The following ETV5 variants were observed in gnomAD, a reference collection of about 807,000 sequenced individuals.
The protein encoded by ETV5 is ETS translocation variant 5.
Under a neutral mutation model 70.0 loss-of-function variants are expected in ETV5, and 10 were observed. The ratio of observed to expected loss-of-function variants is 0.14; its 90% CI spans 0.09 to 0.24. ETV5 has a LOEUF of 0.24. Ranked by LOEUF, ETV5 falls within the 10% of genes least tolerant of loss-of-function variation. The probability of loss-of-function intolerance (pLI) is 1.00; values close to 1 mark genes in which losing one functional copy is unlikely to be tolerated. For synonymous variants in ETV5, 216 were observed against 242.2 expected (o/e 0.89, Z 1.01); for missense variants, 453 against 651.2 (o/e 0.70, Z 3.31).
In ETV5 at chr3:186,079,946, G is replaced by C. The variant is rs1394401243; in HGVS notation, c.521C>G (p.Pro174Arg). The C allele has an allele frequency of 6.2e-7, 1 of 1,602,408 alleles. No homozygotes were observed. Among genetic ancestry groups the C allele is most frequent in the Non-Finnish European group, 8.5e-7 (1 of 1,174,186 alleles). The change falls in exon 7 of 13, where the codon CCC becomes CGC. Residue 174 changes from proline to arginine, a missense_variant. Physicochemically the swap from Pro to Arg is moderately radical, Grantham distance 103. This residue lies in a region of ETV5 where 307 missense variants were observed against 344.9 expected (regional missense o/e 0.89). Transcript: ENST00000306376. ...PAAGPVQGVG[P>R]APAPHSLPEP... Reference sequence around the variant, plus strand: ...TGGAAGCGAATGGGGGGCGGGGGCGGGGCCCACACCTTGAACTGGGCCAGC... The same window carrying C: ...TGGAAGCGAATGGGGGGCGGGGGCGCGGCCCACACCTTGAACTGGGCCAGC...
At chr3:186,093,956 G>A (rs1714246442) in intron 5 of ETV5, among the ~76,000 whole-genome samples, 1 of 152,196 alleles carries the variant, frequency 6.6e-6, no homozygotes, top group Non-Finnish European at 1.5e-5. Context: ...TGGACCTGTT[G>A]CGGGCCTTTG....
rs927951562 is a variant in ETV5 at position 186,092,121 on chromosome 3, A to C, written c.233-10946T>G. ...TTGCTTGAAAGGCAGCATAGAGACT[A>C]TCTCCAGAAAGCCCACTCTCAGTTC... On this transcript the variant is annotated intron_variant, in intron 5 of 12. Transcript: ENST00000306376. Among the ~76,000 whole-genome samples, 6 of 152,224 alleles carry C rather than the reference A, an allele frequency of 3.9e-5. No homozygotes were observed. The East Asian group carries it at 1.2e-3, about 29-fold the overall frequency.
At chr3:186,073,616 C>T (rs1026600758) in intron 7 of ETV5, among the ~76,000 whole-genome samples, 3 of 152,092 alleles carry the variant, frequency 2.0e-5, no homozygotes, top group Non-Finnish European at 2.9e-5. Flanking sequence ...AAATCTCATA[C>T]GTTTAGAAAT....
At chr3:186,056,991 A>G in intron 11 of ETV5, 84 bp downstream of exon 11, 1 of 1,503,374 alleles carries the variant, frequency 6.7e-7, no homozygotes, top group South Asian at 1.3e-5. Context: ...ACTTGACACA[A>G]AAAGCCTCAA....
rs1714578093 is a variant in ETV5, at chr3:186,105,980, G to A, written c.-74-38C>T. 7.1e-7 allele frequency: 1 copy of A among 1,414,466 alleles called. No individual in the cohort carries two copies. Among genetic ancestry groups the A allele is most frequent in the Non-Finnish European group, 9.7e-7 (1 of 1,030,958 alleles). The allele number at this position is 1,414,466 out of a possible 1,614,324, so 87.6% of individuals were successfully genotyped here. A position where few individuals can be genotyped will look rare whatever the true frequency, so the allele number is the denominator to read the frequency against. ...TTTGGGAGATTTTAACTAAGAGGGG[G>A]GAAAAAAAGAAATGAAACAATTTTA... is the stretch of plus-strand genomic sequence containing the variant. On this transcript the variant is annotated intron_variant, in intron 1 of 12. Transcript: ENST00000306376. This position sits in a 1 kb window ranked among gnomAD's most constrained non-coding sequence, Gnocchi z 4.5.
chr3:186,069,549 A>G (rs1713548337), intron 7 of ETV5, among the ~76,000 whole-genome samples: 1 of 151,966 alleles, frequency 6.6e-6, no homozygotes. Context: ...GACTTAAAAA[A>G]AAGTCTTGCT....
At chr3:186,065,712 A>G (rs1385195966) in intron 8 of ETV5, 101 bp downstream of exon 8, 3 of 1,402,892 alleles carry the variant, frequency 2.1e-6, no homozygotes, top group East Asian at 2.4e-5. Context: ...AAAAATTCTT[A>G]TAAAAATTCC....
Position 186,090,568 on chromosome 3 carries a change from G to A in ETV5, c.233-9393C>T, listed in dbSNP as rs139698873. On this transcript the variant is annotated intron_variant, in intron 5 of 12. Transcript: ENST00000306376. ...CCACAAACGATTCTTGAGAAAAAATGGAGAATTTCCACTCCTTGTGAATTT... is the reference window on the plus strand; with the variant it reads ...CCACAAACGATTCTTGAGAAAAAATAGAGAATTTCCACTCCTTGTGAATTT... 3.5e-4 allele frequency among the ~76,000 whole-genome samples: 53 copies of A among 152,272 alleles called. 1 individual carries two copies. The highest frequency in any genetic ancestry group is 1.2e-3 in the African/African-American group (51 of 41,556).
At chr3:186,060,587 G>C (rs1713280171) in intron 9 of ETV5, among the ~76,000 whole-genome samples, 1 of 152,230 alleles carries the variant, frequency 6.6e-6, no homozygotes, top group Non-Finnish European at 1.5e-5. Context: ...ATGCCAATCA[G>C]AAACACTTGT....
intron 9 of ETV5, among the ~76,000 whole-genome samples, chr3:186,062,323 C>T (rs1421353225): frequency 6.6e-6 from 1 of 152,200 alleles, no homozygotes; most frequent in African/African-American, 2.4e-5. Context: ...CACATCTTTT[C>T]TCCTTTCTGA....
chr3:186,055,430 A>T (rs759501024), intron 11 of ETV5, among the ~76,000 whole-genome samples: 10 of 152,182 alleles, frequency 6.6e-5, no homozygotes, highest in Admixed American at 2.0e-4. Flanking sequence ...AGCCTAAAAC[A>T]TGGCTCTATT....
rs1713049087 is a variant in ETV5, at chr3:186,052,185, T to C, written c.1210-54A>G. On this transcript the variant is annotated intron_variant, in intron 11 of 12. Coordinates refer to ENST00000306376, the MANE Select transcript of ETV5 (RefSeq NM_004454.3). The surrounding 1 kb of genome is among the most constrained non-coding windows in gnomAD (Gnocchi z 4.5). The stretch of plus-strand genomic sequence containing the variant: ...GGAAACGCATTCCCTGGGCCCCATG[T>C]TCTCTCCCAATCCCAGCAGAGCCAG... 6.4e-7 allele frequency: 1 copy of C among 1,550,732 alleles called. No individual in the cohort carries two copies. The highest frequency in any genetic ancestry group is 1.4e-5 in the African/African-American group (1 of 73,620).
At chr3:186,096,553 A>C (rs1045914249) in intron 5 of ETV5, among the ~76,000 whole-genome samples, 21 of 152,074 alleles carry the variant, frequency 1.4e-4, no homozygotes, top group Admixed American at 3.3e-4. Flanking sequence ...TCTCTCACAA[A>C]AGGACAATCT....
intron 9 of ETV5, among the ~76,000 whole-genome samples, chr3:186,064,011 T>C (rs551479600): frequency 6.6e-6 from 1 of 152,224 alleles, no homozygotes; most frequent in African/African-American, 2.4e-5. Flanking sequence ...CTGACATAAC[T>C]CCTAAATTCC....
chr3:186,067,210 G>A (rs1007692380), intron 7 of ETV5, among the ~76,000 whole-genome samples: 1 of 152,198 alleles, frequency 6.6e-6, no homozygotes, highest in African/African-American at 2.4e-5. Flanking sequence ...CAATGCGGGG[G>A]GATCACGAGG....
chr3:186,108,078 TA>T (rs976077591), intron 1 of ETV5, among the ~76,000 whole-genome samples: 8 of 150,256 alleles, frequency 5.3e-5, no homozygotes, highest in African/African-American at 2.0e-4. Flanking sequence ...CCCACATTCA[TA>T]AAAACGAGGT....
chr3:186,050,050 C>T (rs1712988488), intron 12 of ETV5, among the ~76,000 whole-genome samples: 1 of 152,148 alleles, frequency 6.6e-6, no homozygotes, highest in Non-Finnish European at 1.5e-5. Flanking sequence ...CTCATGTACT[C>T]GTGAGTCATG....
chr3:186,049,308 C>T (rs938700212), intron 12 of ETV5, among the ~76,000 whole-genome samples: 4 of 152,218 alleles, frequency 2.6e-5, no homozygotes, highest in African/African-American at 4.8e-5. Flanking sequence ...CGAGCCTGCG[C>T]AGAAGCCTTA....
chr3:186,067,602 A>T (rs1177071293), intron 7 of ETV5, among the ~76,000 whole-genome samples: 1 of 151,840 alleles, frequency 6.6e-6, no homozygotes, highest in Non-Finnish European at 1.5e-5. Context: ...ACAGAGCAAG[A>T]CTGTCTCAAA....
Sources: allele counts gnomAD v4.1 joint callset (sites outside exome capture counted in the v4.1 genomes callset), GRCh38; gene constraint gnomAD v4.1.1; regional missense constraint gnomAD v4.1.1; non-coding constraint Gnocchi (gnomAD v3.1); transcripts MANE v1.5; gene names NCBI Gene and HGNC (gene_info 2026-07-23, HGNC 2026-07-21).